Variants in LAMA2 observed in about 807,000 individuals in gnomAD.
LAMA2 encodes the protein laminin subunit alpha 2.
A neutral mutation model predicts 364.8 loss-of-function variants in LAMA2; 269 were observed. The observed-to-expected ratio is 0.74, with a 90% CI of 0.67 to 0.82. The LOEUF (loss-of-function observed/expected upper bound fraction) is 0.82, where lower values mean the gene tolerates loss of function less well. Among genes scored for constraint, LAMA2 ranks in the 40% least tolerant of loss-of-function variants. The pLI, the probability that LAMA2 is intolerant of heterozygous loss-of-function variation, is 0.00. For synonymous variants in LAMA2, 1,379 were observed against 1,370.6 expected (o/e 1.01, Z -0.14); for missense variants, 3,807 against 3,873.2 (o/e 0.98, Z 0.45).
At chr6:129,132,691 T>C (rs888080794) in intron 4 of LAMA2, among the ~76,000 whole-genome samples, 1 of 152,176 alleles carries the variant, frequency 6.6e-6, no homozygotes, top group African/African-American at 2.4e-5. Flanking sequence ...CACATCCTGC[T>C]AAATGGAGAG....
intron 8 of LAMA2, among the ~76,000 whole-genome samples, chr6:129,164,325 A>G (rs950389946): frequency 6.6e-6 from 1 of 152,210 alleles, no homozygotes; most frequent in African/African-American, 2.4e-5. Context: ...TGACATGCAA[A>G]TTAAAACTTT....
chr6:128,969,145 CA>C (rs1782032937), intron 1 of LAMA2, among the ~76,000 whole-genome samples: 1 of 152,154 alleles, frequency 6.6e-6, no homozygotes, highest in Admixed American at 6.5e-5. Flanking sequence ...TTCTGGCTAA[CA>C]CCTTGGCCAG....
intron 12 of LAMA2, among the ~76,000 whole-genome samples, chr6:129,225,986 T>G (rs545882182): frequency 6.6e-6 from 1 of 152,164 alleles, no homozygotes; most frequent in Non-Finnish European, 1.5e-5. Context: ...TTTGTAGGTC[T>G]CTAAGGACTT....
At chr6:129,369,595 T>C (rs1478755470) in intron 33 of LAMA2, among the ~76,000 whole-genome samples, 1 of 152,140 alleles carries the variant, frequency 6.6e-6, no homozygotes, top group Non-Finnish European at 1.5e-5. Flanking sequence ...AGTTTGCTCT[T>C]TCATGAAATG....
intron 51 of LAMA2, among the ~76,000 whole-genome samples, chr6:129,470,027 G>A (rs1283561340): frequency 1.3e-5 from 2 of 151,812 alleles, no homozygotes; most frequent in African/African-American, 4.8e-5. Flanking sequence ...GAGTGTGGTG[G>A]TGGTTCTGCA....
chr6:129,154,568 T>G lies in LAMA2; in HGVS notation c.1091T>G (p.Leu364Arg). 1 of 1,613,802 alleles carries G rather than the reference T, an allele frequency of 6.2e-7. No homozygotes were observed. ...YYDENVARRNLSLNIRGKYIG... is the reference protein window; with the variant it reads ...YYDENVARRNRSLNIRGKYIG... The stretch of plus-strand genomic sequence containing the variant: ...GATGAAAATGTTGCCAGAAGAAATC[T>G]GAGTTTGAATATACGTGGAAAGTAC... The change falls in exon 8 of 65, where the codon CTG becomes CGG. Residue 364 changes from leucine to arginine, a missense_variant. Coordinates refer to ENST00000421865, the MANE Select transcript of LAMA2 (RefSeq NM_000426.4).
At chr6:129,037,749 A>C (rs1266537715) in intron 1 of LAMA2, among the ~76,000 whole-genome samples, 1 of 150,226 alleles carries the variant, frequency 6.7e-6, no homozygotes, top group East Asian at 2.0e-4. Context: ...TGCTCACTGC[A>C]AGCTCCGCCT....
intron 9 of LAMA2, among the ~76,000 whole-genome samples, chr6:129,176,560 T>A (rs944065236): frequency 6.6e-6 from 1 of 152,244 alleles, no homozygotes; most frequent in East Asian, 1.9e-4. Context: ...TCCAATATAT[T>A]TTGTTGTCCA....
chr6:129,503,376 C>A, intron 60 of LAMA2, 96 bp downstream of exon 60: 2 of 1,129,366 alleles, frequency 1.8e-6, no homozygotes, highest in Non-Finnish European at 2.7e-6. Flanking sequence ...CCAGGGCAGA[C>A]ACTGACTCTG....
At chr6:128,941,625 CA>C (rs1004110254) in intron 1 of LAMA2, among the ~76,000 whole-genome samples, 1 of 149,770 alleles carries the variant, frequency 6.7e-6, no homozygotes, top group East Asian at 2.0e-4. Flanking sequence ...GGTTCAGAAA[CA>C]AAAAAAATAA....
At chr6:129,101,833 G>T (rs948613881) in intron 4 of LAMA2, among the ~76,000 whole-genome samples, 1 of 152,160 alleles carries the variant, frequency 6.6e-6, no homozygotes, top group Non-Finnish European at 1.5e-5. Flanking sequence ...AAACTGTTCA[G>T]TCATTACCTC....
At chr6:128,900,903 G>T (rs1777045770) in intron 1 of LAMA2, among the ~76,000 whole-genome samples, 1 of 152,168 alleles carries the variant, frequency 6.6e-6, no homozygotes, top group African/African-American at 2.4e-5. Flanking sequence ...TATAATCCCA[G>T]CTCTTTGGAA....
chr6:129,157,592 G>T, intron 8 of LAMA2: 1 of 1,612,908 alleles, frequency 6.2e-7, no homozygotes, highest in Non-Finnish European at 8.5e-7. Context: ...CTGTGAGTCT[G>T]GGGGCTGGAT....
At chr6:128,894,075 C>G (rs56104504) in intron 1 of LAMA2, among the ~76,000 whole-genome samples, 1,609 of 152,184 alleles carry the variant, frequency 0.011, 34 homozygotes, top group African/African-American at 0.037. Flanking sequence ...TGATTCTATA[C>G]CAAAACTCAG....
At chr6:128,961,318 GATATAT>G (rs58772123) in intron 1 of LAMA2, among the ~76,000 whole-genome samples, 119 of 57,748 alleles carry the variant, frequency 2.1e-3, no homozygotes, top group East Asian at 3.4e-3. Context: ...GAACTAATAT[GATATAT>G]ATATATATAT....
chr6:129,462,997 A>G (rs1013860380), intron 49 of LAMA2, among the ~76,000 whole-genome samples: 1 of 152,044 alleles, frequency 6.6e-6, no homozygotes, highest in African/African-American at 2.4e-5. Context: ...TCTGTCAAAG[A>G]TATTTTTAAA....
intron 1 of LAMA2, among the ~76,000 whole-genome samples, chr6:128,977,561 C>A (rs547813330): frequency 9.2e-5 from 14 of 152,216 alleles, no homozygotes; most frequent in South Asian, 2.1e-4. Flanking sequence ...CTCACCCAAA[C>A]TTTTCTTTTT....
intron 10 of LAMA2, among the ~76,000 whole-genome samples, chr6:129,186,633 A>G (rs933851292): frequency 1.3e-5 from 2 of 151,362 alleles, no homozygotes; most frequent in African/African-American, 2.4e-5. Flanking sequence ...TTTTTGCTCA[A>G]CTCCCTGGTT....
chr6:129,162,960 T>G (rs1779527502), intron 8 of LAMA2, among the ~76,000 whole-genome samples: 1 of 152,146 alleles, frequency 6.6e-6, no homozygotes, highest in Non-Finnish European at 1.5e-5. Context: ...TCTGGCCCTT[T>G]ACAGAAAAGT....
Sources: gnomAD v4.1 joint callset for allele counts (sites outside exome capture counted in the v4.1 genomes callset) on GRCh38, gnomAD v4.1.1 for gene constraint, MANE v1.5 for transcripts, NCBI Gene and HGNC (gene_info 2026-07-23, HGNC 2026-07-21) for gene names.